Variants in NIBAN1 observed in about 807,000 individuals in gnomAD.
NIBAN1 encodes niban apoptosis regulator 1.
Under a neutral mutation model 75.1 loss-of-function variants are expected in NIBAN1, and 81 were observed. That is an observed-to-expected ratio of 1.08 (90% CI 0.90 to 1.30). The LOEUF is 1.30. Ranked by LOEUF, NIBAN1 falls within the 50% of genes most tolerant of loss-of-function variation. The pLI, the probability that NIBAN1 is intolerant of heterozygous loss-of-function variation, is 0.00. For missense variants in NIBAN1, 1,133 were observed against 1,128.1 expected (o/e 1.00, Z -0.06); for synonymous variants, 436 against 424.8 (o/e 1.03, Z -0.32).
intron 2 of NIBAN1, among the ~76,000 whole-genome samples, chr1:184,898,058 A>G (rs1244603615): frequency 6.6e-6 from 1 of 152,202 alleles, no homozygotes; most frequent in Admixed American, 6.5e-5. Flanking sequence ...ATTACAAAAC[A>G]AAATCAAAAC....
intron 1 of NIBAN1, among the ~76,000 whole-genome samples, chr1:184,932,742 A>C (rs1002993490): frequency 6.6e-6 from 1 of 152,240 alleles, no homozygotes; most frequent in African/African-American, 2.4e-5. Context: ...AAAAGCTTAA[A>C]AGTTATGAAT....
chr1:184,936,273 T>G (rs1657958785), intron 1 of NIBAN1, among the ~76,000 whole-genome samples: 1 of 152,050 alleles, frequency 6.6e-6, no homozygotes, highest in African/African-American at 2.4e-5. Context: ...ACTCACAGAT[T>G]CCGGGAGTGT....
chr1:184,908,754 C>A (rs1371861226), intron 1 of NIBAN1, among the ~76,000 whole-genome samples: 1 of 152,130 alleles, frequency 6.6e-6, no homozygotes, highest in African/African-American at 2.4e-5. Context: ...AGCACGCCTC[C>A]AATTTTCTCA....
rs749942654 is a variant in NIBAN1 at position 184,890,135 on chromosome 1, A to G, written c.406T>C (p.Ser136Pro). 13 of 1,613,928 alleles carry G rather than the reference A, an allele frequency of 8.1e-6. No homozygotes were observed. Among genetic ancestry groups the G allele is most frequent in the South Asian group, 2.2e-5 (2 of 91,072 alleles). The change falls in exon 4 of 14, where the codon TCT becomes CCT. Residue 136 changes from serine (S) to proline (P), a missense_variant. Physicochemically the swap from Ser to Pro is moderately conservative, Grantham distance 74. Transcript: ENST00000367511. ...AGAGGGTCTGGGAAATGCCTGTCAG[A>G]CAACAGATTATATTCATCTTCTGAG... ...LTSEDEYNLLSDRHFPDPLAS... is the reference protein window; with the variant it reads ...LTSEDEYNLLPDRHFPDPLAS...
intron 5 of NIBAN1, among the ~76,000 whole-genome samples, chr1:184,880,516 T>C (rs1656349900): frequency 6.6e-6 from 1 of 152,176 alleles, no homozygotes; most frequent in Non-Finnish European, 1.5e-5. Context: ...TAAGCACCAG[T>C]CACACAAAAT....
intron 2 of NIBAN1, among the ~76,000 whole-genome samples, chr1:184,894,835 T>A (rs777670609): frequency 6.6e-6 from 1 of 152,222 alleles, no homozygotes; most frequent in Non-Finnish European, 1.5e-5. Flanking sequence ...TCTTATTAAC[T>A]GTGGTGATAT....
intron 4 of NIBAN1, 118 bp from the exon 5 acceptor site, chr1:184,884,918 G>A (rs945948331): frequency 7.9e-7 from 1 of 1,268,790 alleles, no homozygotes; most frequent in Admixed American, 2.4e-5. Context: ...AAGTTGGTGA[G>A]ATATTTTCAC....
At chr1:184,827,727 G>C (rs770098881) in intron 6 of NIBAN1, among the ~76,000 whole-genome samples, 3 of 151,896 alleles carry the variant, frequency 2.0e-5, no homozygotes, top group Non-Finnish European at 2.9e-5. Context: ...CCACACCACA[G>C]TGCTTCCTTT....
intron 5 of NIBAN1, among the ~76,000 whole-genome samples, chr1:184,865,859 T>C (rs1655943173): frequency 6.6e-6 from 1 of 152,154 alleles, no homozygotes; most frequent in East Asian, 1.9e-4. Flanking sequence ...GTAAAGCTGA[T>C]GGAAAATGAA....
chr1:184,969,253 C>T (rs234102), intron 1 of NIBAN1, among the ~76,000 whole-genome samples: 76,260 of 152,024 alleles, frequency 0.5, 19,981 homozygotes, highest in African/African-American at 0.6. Context: ...GTGGCTCTCA[C>T]AATACGAATT....
At chr1:184,835,359 GT>G (rs1436427241) in intron 5 of NIBAN1, among the ~76,000 whole-genome samples, 3 of 152,148 alleles carry the variant, frequency 2.0e-5, no homozygotes, top group Admixed American at 6.6e-5. Flanking sequence ...CTTTAAAGTA[GT>G]TTTTTTCCAA....
intron 6 of NIBAN1, among the ~76,000 whole-genome samples, chr1:184,829,464 CTTTTT>C (rs34475915): frequency 1.5e-5 from 2 of 129,054 alleles, no homozygotes; most frequent in Non-Finnish European, 1.6e-5. Context: ...TACATATATT[CTTTTT>C]TTTTTTTTTT....
At chr1:184,917,405 G>A (rs1657418191) in intron 1 of NIBAN1, among the ~76,000 whole-genome samples, 1 of 145,892 alleles carries the variant, frequency 6.9e-6, no homozygotes, top group Middle Eastern at 3.2e-3. Context: ...GTAGAGACGG[G>A]GTTTCACCAT....
intron 1 of NIBAN1, among the ~76,000 whole-genome samples, chr1:184,916,260 C>T (rs537750242): frequency 9.9e-5 from 15 of 151,964 alleles, no homozygotes; most frequent in East Asian, 9.7e-4. Context: ...ACAGAGATAT[C>T]GATGTAGGGG....
intron 6 of NIBAN1, among the ~76,000 whole-genome samples, chr1:184,826,796 C>T (rs990298702): frequency 2.0e-5 from 3 of 151,954 alleles, no homozygotes; most frequent in Non-Finnish European, 4.4e-5. Context: ...TATGTTACAA[C>T]TTAGGGAATT....
intron 9 of NIBAN1, among the ~76,000 whole-genome samples, chr1:184,811,685 G>A (rs996113251): frequency 6.6e-6 from 1 of 151,874 alleles, no homozygotes; most frequent in Non-Finnish European, 1.5e-5. Context: ...GTAGAGACAG[G>A]GTTTCACCAT....
intron 12 of NIBAN1, among the ~76,000 whole-genome samples, chr1:184,799,040 T>A (rs539373526): frequency 4.6e-4 from 70 of 152,188 alleles, no homozygotes; most frequent in Non-Finnish European, 9.3e-4. Context: ...TTGTTTTATT[T>A]TATTTTTTAT....
In NIBAN1 at chr1:184,829,461, A is replaced by ACTCTT. The variant is rs1389813381; in HGVS notation, c.717+2385_717+2386insAAGAG. 1.1e-4 allele frequency among the ~76,000 whole-genome samples: 9 copies of ACTCTT among 84,018 alleles called. 3 individuals are homozygous for ACTCTT. The highest frequency in any genetic ancestry group is 8.2e-5 in the Non-Finnish European group (3 of 36,508). The allele number at this position is 84,018 out of a possible 152,430, so 55.1% of individuals were successfully genotyped here. ...CAGAAAGGATTTATTAAATACATAT[A>ACTCTT]TTCTTTTTTTTTTTTTTTTTTTTGA... On this transcript the variant is annotated intron_variant, in intron 6 of 13. Coordinates refer to ENST00000367511, the MANE Select transcript of NIBAN1 (RefSeq NM_052966.4).
rs1307182141 is a variant in NIBAN1, at chr1:184,967,985, T to C, written c.55+6317A>G. 1.7e-3 allele frequency among the ~76,000 whole-genome samples: 17 copies of C among 9,812 alleles called. 6 individuals are homozygous for C. The highest frequency in any genetic ancestry group is 4.8e-3 in the African/African-American group (17 of 3,526). The allele number at this position is 9,812 out of a possible 152,430, so 6.4% of individuals were successfully genotyped here. On this transcript the variant is annotated intron_variant, in intron 1 of 13. Transcript: ENST00000367511. Reference sequence around the variant, plus strand: ...TTGGGAGGCCGAGGCGGGTGGATCATGAGGTCAGGAGATCGAGACCATCCT... The same window carrying C: ...TTGGGAGGCCGAGGCGGGTGGATCACGAGGTCAGGAGATCGAGACCATCCT...
Sources: allele counts gnomAD v4.1 joint callset (sites outside exome capture counted in the v4.1 genomes callset), GRCh38; gene constraint gnomAD v4.1.1; transcripts MANE v1.5; gene names NCBI Gene and HGNC (gene_info 2026-07-23, HGNC 2026-07-21).